ARSF: variants seen among roughly 807,000 people sequenced by gnomAD.
ARSF encodes the protein arylsulfatase F.
ARSF carries 33 observed loss-of-function variants against 35.4 expected under a neutral mutation model. The observed-to-expected ratio is 0.93, with a 90% CI of 0.71 to 1.25. The LOEUF (loss-of-function observed/expected upper bound fraction) is 1.25. ARSF is among the 50% of genes most tolerant of loss of function. The probability of loss-of-function intolerance (pLI) is 0.00; values close to 1 mark genes in which losing one functional copy is unlikely to be tolerated. For missense variants in ARSF, 501 were observed against 480.2 expected, an observed-to-expected ratio of 1.04 and a Z score of -0.40; for synonymous variants, 222 against 193.1, an observed-to-expected ratio of 1.15 and a Z score of -1.24.
At chrX:3,049,247 G>A (rs909804816) in intron 1 of ARSF, among the ~76,000 whole-genome samples, 1 of 110,804 alleles carries the variant, frequency 9.0e-6, no homozygotes, top group African/African-American at 3.3e-5. Flanking sequence ...AACTCAAAGT[G>A]GGGGATTCCA....
intron 7 of ARSF, among the ~76,000 whole-genome samples, chrX:3,093,744 G>A (rs966904678): frequency 4.5e-5 from 5 of 111,547 alleles, no homozygotes; most frequent in Admixed American, 3.8e-4. Context: ...TTCCCTTTGG[G>A]TAGACACCCA....
intron 1 of ARSF, among the ~76,000 whole-genome samples, chrX:3,057,296 G>A (rs2090022427): frequency 8.9e-6 from 1 of 111,870 alleles, no homozygotes; most frequent in Non-Finnish European, 1.9e-5. Flanking sequence ...CTCTTTATTA[G>A]CGTTTTTTTC....
upstream of ARSF, among the ~76,000 whole-genome samples, chrX:3,040,954 T>C (rs975423757): frequency 6.3e-4 from 70 of 111,298 alleles, no homozygotes; most frequent in African/African-American, 2.2e-3. Context: ...TAGTTCCTCA[T>C]TTTAAAATAA....
At chrX:3,105,448 A>G (rs2090405341) in intron 9 of ARSF, among the ~76,000 whole-genome samples, 1 of 111,972 alleles carries the variant, frequency 8.9e-6, no homozygotes, top group Admixed American at 9.5e-5. Flanking sequence ...GAAAGAAAAA[A>G]TATTTTATTC....
chrX:3,085,853 A>T lies in ARSF; in HGVS notation c.830+1187A>T, dbSNP rs776323696. ...TCTGGGAGGCCGAGGAGGGTGGATC[A>T]TCTGAGACCAGCCTGACCAACATAG... On this transcript the variant is annotated intron_variant, in intron 6 of 10. Coordinates refer to ENST00000381127, the MANE Select transcript of ARSF (RefSeq NM_001201539.2). Among the ~76,000 whole-genome samples the T allele has an allele frequency of 1.7e-3, 193 of 110,652 alleles. 1 individual carries two copies. Among genetic ancestry groups the T allele is most frequent in the African/African-American group, 4.8e-3 (147 of 30,459 alleles).
At chrX:3,054,056 C>A (rs1026352210) in intron 1 of ARSF, among the ~76,000 whole-genome samples, 1 of 110,583 alleles carries the variant, frequency 9.0e-6, no homozygotes, top group Non-Finnish European at 1.9e-5. Context: ...GCCACTGCAC[C>A]CAGCCTACCT....
chrX:3,110,321 A>G, intron 10 of ARSF, 69 bp downstream of exon 10: 1 of 999,687 alleles, frequency 1.0e-6, no homozygotes, highest in Non-Finnish European at 1.3e-6. Flanking sequence ...TCCTGAACGC[A>G]TTCTTCCTTT....
chrX:3,061,937 C>T (rs761547168), intron 1 of ARSF, among the ~76,000 whole-genome samples: 2 of 111,699 alleles, frequency 1.8e-5, no homozygotes, highest in African/African-American at 6.5e-5. Flanking sequence ...GAATTCAGCT[C>T]TGCACCAAGT....
chrX:3,065,421 C>G (rs2090060419), intron 1 of ARSF, among the ~76,000 whole-genome samples: 1 of 106,728 alleles, frequency 9.4e-6, no homozygotes, highest in Non-Finnish European at 1.9e-5. Context: ...TACCCTAGAA[C>G]TTAAAGTATA....
At chrX:3,065,257 G>T (rs1206610520) in intron 1 of ARSF, among the ~76,000 whole-genome samples, 3 of 101,738 alleles carry the variant, frequency 2.9e-5, no homozygotes, top group Non-Finnish European at 6.0e-5. Flanking sequence ...GACACAGGGT[G>T]GGGGACATCA....
intron 6 of ARSF, among the ~76,000 whole-genome samples, chrX:3,085,404 C>T (rs1480266896): frequency 8.5e-5 from 9 of 106,123 alleles, no homozygotes; most frequent in Non-Finnish European, 1.5e-4. Context: ...AGTAAGTTTT[C>T]CATTGCATTA....
chrX:3,072,240 G>A lies in ARSF; in HGVS notation c.161+65G>A, dbSNP rs779663665. The A allele has an allele frequency of 5.8e-5, 65 of 1,113,110 alleles. No individual in the cohort carries two copies. The African/African-American group carries it at 1.1e-3, about 19-fold the overall frequency. The allele number at this position is 1,113,110 out of a possible 1,213,427, so 91.7% of individuals were successfully genotyped here. ...TTCAGGTTCAGCAGGCTGGCTGTAC[G>A]GCTGCATCTATGTGCAAAACCAAAT... On this transcript the variant is annotated intron_variant, in intron 3 of 10. Transcript: ENST00000381127.
At chrX:3,070,855 CT>C (rs2090097940) in intron 2 of ARSF, among the ~76,000 whole-genome samples, 1 of 111,085 alleles carries the variant, frequency 9.0e-6, no homozygotes, top group Non-Finnish European at 1.9e-5. Flanking sequence ...AGTTACTTCA[CT>C]TAGAATAATT....
chrX:3,111,344 G>A (rs5939168), intron 10 of ARSF, among the ~76,000 whole-genome samples: 29,853 of 110,411 alleles, frequency 0.27, 3,139 homozygotes, highest in African/African-American at 0.38. Context: ...TTAAAAAGTG[G>A]CACACATATA....
chrX:3,084,243 G>A lies in ARSF; in HGVS notation c.407G>A (p.Gly136Asp), dbSNP rs2090227176. The change falls in exon 6 of 11, where the codon GGC becomes GAC. Residue 136 changes from glycine to aspartate, a missense_variant and splice_region_variant. Coordinates refer to ENST00000381127, the MANE Select transcript of ARSF (RefSeq NM_001201539.2). ...GATGTGTTTGTGTGTTTGGTTTTAG[G>A]CAAATGGCACCAAGGCTTGAACTGC... ...KKQGYSTGLI[G>D]KWHQGLNCDS... 1 of 1,207,557 alleles carries A rather than the reference G, an allele frequency of 8.3e-7. No individual in the cohort carries two copies. Among genetic ancestry groups the A allele is most frequent in the Admixed American group, 2.2e-5 (1 of 45,611 alleles).
intron 7 of ARSF, among the ~76,000 whole-genome samples, chrX:3,092,973 C>G (rs756650071): frequency 8.9e-6 from 1 of 111,797 alleles, no homozygotes; most frequent in East Asian, 2.8e-4. Context: ...GCAATCAAAA[C>G]CATCCTGGTT....
At chrX:3,112,151 C>T (rs779942601) in intron 10 of ARSF, 23 bp from the exon 11 acceptor site, 9 of 1,165,197 alleles carry the variant, frequency 7.7e-6, no homozygotes, top group South Asian at 3.8e-5. Context: ...CATCATTTGA[C>T]GAGTCTCTCT....
intron 6 of ARSF, among the ~76,000 whole-genome samples, chrX:3,088,387 C>G (rs568794818): frequency 7.2e-5 from 8 of 111,583 alleles, no homozygotes; most frequent in African/African-American, 2.6e-4. Flanking sequence ...GTATATTCTA[C>G]AGCTGTCCTG....
intron 5 of ARSF, 86 bp from the exon 6 acceptor site, chrX:3,084,157 C>T (rs2090226294): frequency 1.9e-5 from 19 of 1,018,185 alleles, no homozygotes; most frequent in South Asian, 6.5e-5. Context: ...GATTGTTTCA[C>T]GTGAAGAATG....
Sources: gnomAD v4.1 joint callset for allele counts (sites outside exome capture counted in the v4.1 genomes callset) on GRCh38, gnomAD v4.1.1 for gene constraint, MANE v1.5 for transcripts, NCBI Gene and HGNC (gene_info 2026-07-23, HGNC 2026-07-21) for gene names.